PDSS2: variants seen among roughly 807,000 people sequenced by gnomAD.
PDSS2 encodes the protein decaprenyl diphosphate synthase subunit 2.
Under a neutral mutation model 44.5 loss-of-function variants are expected in PDSS2, and 31 were observed. The ratio of observed to expected loss-of-function variants is 0.70; its 90% CI spans 0.52 to 0.94. The LOEUF is 0.94. Ranked by LOEUF, PDSS2 falls within the 40% of genes least tolerant of loss-of-function variation. The probability of loss-of-function intolerance (pLI) is 0.00; values close to 1 mark genes in which losing one functional copy is unlikely to be tolerated. For synonymous variants in PDSS2, 157 were observed against 180.3 expected (o/e 0.87, Z 1.03); for missense variants, 452 against 482.2 (o/e 0.94, Z 0.59).
At chr6:107,379,668 C>T (rs1779396996) in intron 1 of PDSS2, among the ~76,000 whole-genome samples, 1 of 152,020 alleles carries the variant, frequency 6.6e-6, no homozygotes, top group Non-Finnish European at 1.5e-5. Context: ...ATCTTTAGTT[C>T]TACTTTGGTA....
chr6:107,440,984 T>G (rs1049300971), intron 1 of PDSS2, among the ~76,000 whole-genome samples: 4 of 152,216 alleles, frequency 2.6e-5, no homozygotes, highest in Non-Finnish European at 5.9e-5. Context: ...GATTGTGACA[T>G]GAAAATCAAA....
At chr6:107,269,043 G>A (rs764994946) in intron 3 of PDSS2, among the ~76,000 whole-genome samples, 4 of 151,594 alleles carry the variant, frequency 2.6e-5, no homozygotes, top group African/African-American at 4.8e-5. Context: ...GGGTTCAAGC[G>A]ATTCTCCTGC....
chr6:107,384,777 C>T (rs142778185), intron 1 of PDSS2, among the ~76,000 whole-genome samples: 1 of 152,270 alleles, frequency 6.6e-6, no homozygotes, highest in East Asian at 1.9e-4. Flanking sequence ...CACACTCACA[C>T]AACTTGTAGA....
chr6:107,316,503 T>C (rs1777204570), intron 2 of PDSS2, among the ~76,000 whole-genome samples: 1 of 152,158 alleles, frequency 6.6e-6, no homozygotes, highest in Admixed American at 6.5e-5. Flanking sequence ...TATATATGGC[T>C]ATGGTCTACA....
Position 107,313,572 on chromosome 6 carries a change from C to T in PDSS2, c.431+20626G>A, listed in dbSNP as rs369194228. 1.2e-4 allele frequency among the ~76,000 whole-genome samples: 19 copies of T among 152,018 alleles called. No individual in the cohort carries two copies. The East Asian group carries it at 2.7e-3, about 22-fold the overall frequency. The stretch of plus-strand genomic sequence containing the variant: ...TTCACCGTGTCGGCCAGGCTGGTCT[C>T]GAACTCCTGACCTCAAGTGATCCAC... On this transcript the variant is annotated intron_variant, in intron 2 of 7. Transcript: ENST00000369037.
chr6:107,410,117 T>C (rs1402508081), intron 1 of PDSS2, among the ~76,000 whole-genome samples: 2 of 152,292 alleles, frequency 1.3e-5, no homozygotes, highest in South Asian at 4.1e-4. Context: ...ATCCAGGGCT[T>C]TGCCATTTAC....
intron 1 of PDSS2, among the ~76,000 whole-genome samples, chr6:107,372,909 C>T (rs1470915544): frequency 6.6e-6 from 1 of 151,760 alleles, no homozygotes; most frequent in Non-Finnish European, 1.5e-5. Context: ...TCAATGTATA[C>T]AGGTAATTAT....
intron 7 of PDSS2, among the ~76,000 whole-genome samples, chr6:107,167,352 AT>A (rs1771390341): frequency 6.6e-6 from 1 of 152,036 alleles, no homozygotes; most frequent in Admixed American, 6.6e-5. Context: ...TATTGCGTCT[AT>A]TTGATTCTTC....
chr6:107,430,392 C>T (rs1022703150), intron 1 of PDSS2, among the ~76,000 whole-genome samples: 3 of 152,046 alleles, frequency 2.0e-5, no homozygotes, highest in African/African-American at 7.2e-5. Flanking sequence ...CTCAGCTACT[C>T]AGAAGGCTGA....
chr6:107,259,734 C>T lies in PDSS2; in HGVS notation c.631-14115G>A, dbSNP rs114333943. Among the ~76,000 whole-genome samples, 674 of 152,018 alleles carry T rather than the reference C, an allele frequency of 4.4e-3. 6 individuals are homozygous for T. Among genetic ancestry groups the T allele is most frequent in the African/African-American group, 0.016 (649 of 41,522 alleles). On this transcript the variant is annotated intron_variant, in intron 3 of 7. Coordinates refer to ENST00000369037, the MANE Select transcript of PDSS2 (RefSeq NM_020381.4). ...AGAAAAAAAGCCAAGGCTAGGAATT[C>T]GGTCCACAGACTTCTACTTTATGGT...
At chr6:107,411,212 T>A (rs1780482799) in intron 1 of PDSS2, among the ~76,000 whole-genome samples, 1 of 152,138 alleles carries the variant, frequency 6.6e-6, no homozygotes, top group African/African-American at 2.4e-5. Flanking sequence ...ATGAGTCTCG[T>A]GGATGAGAAG....
chr6:107,173,291 A>G (rs1771652802), intron 7 of PDSS2, among the ~76,000 whole-genome samples: 1 of 150,596 alleles, frequency 6.6e-6, no homozygotes, highest in Non-Finnish European at 1.5e-5. Context: ...ACAGGAAAAC[A>G]GGCCAGGCGC....
chr6:107,381,217 C>T (rs1779444978), intron 1 of PDSS2, among the ~76,000 whole-genome samples: 2 of 152,174 alleles, frequency 1.3e-5, no homozygotes, highest in Admixed American at 6.5e-5. Flanking sequence ...GTGCTTTTCT[C>T]GACTCTAACC....
intron 1 of PDSS2, among the ~76,000 whole-genome samples, chr6:107,367,363 A>G (rs547545026): frequency 2.6e-5 from 4 of 152,200 alleles, no homozygotes; most frequent in Non-Finnish European, 5.9e-5. Flanking sequence ...CTAATAAAAG[A>G]TATCAGTGAA....
intron 1 of PDSS2, among the ~76,000 whole-genome samples, chr6:107,435,281 AACAC>A (rs57353175): frequency 0.079 from 10,552 of 133,552 alleles, 566 homozygotes; most frequent in East Asian, 0.21. Flanking sequence ...ACTGCCTCAA[AACAC>A]ACACACACAC....
intron 1 of PDSS2, among the ~76,000 whole-genome samples, chr6:107,424,723 T>C (rs746327031): frequency 8.0e-4 from 121 of 152,188 alleles, no homozygotes; most frequent in Non-Finnish European, 1.5e-3. Flanking sequence ...TCTTTCAAAG[T>C]GAAACGACCA....
At chr6:107,440,964 T>C (rs572213584) in intron 1 of PDSS2, among the ~76,000 whole-genome samples, 4 of 152,356 alleles carry the variant, frequency 2.6e-5, no homozygotes, top group African/African-American at 7.2e-5. Context: ...ATTCTTTATT[T>C]GGTATTAGTG....
At chr6:107,388,089 C>G (rs1028887059) in intron 1 of PDSS2, among the ~76,000 whole-genome samples, 12 of 151,984 alleles carry the variant, frequency 7.9e-5, no homozygotes, top group Non-Finnish European at 1.6e-4. Flanking sequence ...AATCAAAAAA[C>G]GAAGAAAAGA....
intron 1 of PDSS2, among the ~76,000 whole-genome samples, chr6:107,420,842 T>C (rs1262160395): frequency 2.0e-5 from 3 of 148,462 alleles, no homozygotes; most frequent in African/African-American, 4.9e-5. Context: ...AAAAAACCAG[T>C]AACTGGATGT....
Sources: gnomAD v4.1 joint callset for allele counts (sites outside exome capture counted in the v4.1 genomes callset) on GRCh38, gnomAD v4.1.1 for gene constraint, MANE v1.5 for transcripts, NCBI Gene and HGNC (gene_info 2026-07-23, HGNC 2026-07-21) for gene names.